Variants in TTLL5 observed in about 807,000 individuals in gnomAD.
TTLL5 encodes tubulin polyglutamylase TTLL5.
Under a neutral mutation model 168.4 loss-of-function variants are expected in TTLL5, and 132 were observed. That is an observed-to-expected ratio of 0.78 (90% CI 0.68 to 0.91). The LOEUF (loss-of-function observed/expected upper bound fraction) is 0.91, where lower values mean the gene tolerates loss of function less well. Among genes scored for constraint, TTLL5 ranks in the 40% least tolerant of loss-of-function variants. The pLI, the probability that TTLL5 is intolerant of heterozygous loss-of-function variation, is 0.00. For missense variants in TTLL5, 1,545 were observed against 1,581.5 expected (o/e 0.98, Z 0.39); for synonymous variants, 546 against 558.6 (o/e 0.98, Z 0.32).
intron 31 of TTLL5, among the ~76,000 whole-genome samples, chr14:75,916,859 A>T (rs1164651888): frequency 6.6e-6 from 1 of 152,226 alleles, no homozygotes; most frequent in East Asian, 1.9e-4. Flanking sequence ...AGCCTTCAAA[A>T]TAAAGGAAAT....
At chr14:75,773,955 G>GAGAGAGAA (rs1566598142) in intron 21 of TTLL5, among the ~76,000 whole-genome samples, 1 of 37,366 alleles carries the variant, frequency 2.7e-5, no homozygotes, top group Non-Finnish European at 6.1e-5. Context: ...GAGAGAGAGA[G>GAGAGAGAA]AAAGAGAGAG....
At chr14:75,801,324 A>T (rs1893309062) in intron 27 of TTLL5, among the ~76,000 whole-genome samples, 1 of 152,132 alleles carries the variant, frequency 6.6e-6, no homozygotes, top group African/African-American at 2.4e-5. Context: ...CAGCAGTGGC[A>T]GACCTCACCC....
intron 21 of TTLL5, among the ~76,000 whole-genome samples, chr14:75,772,342 C>T (rs1891387360): frequency 6.6e-6 from 1 of 152,204 alleles, no homozygotes; most frequent in Non-Finnish European, 1.5e-5. Context: ...ACTTGCTCCT[C>T]CATTGCTTTC....
Position 75,732,436 on chromosome 14 carries a change from A to G in TTLL5, c.1124+17A>G. The G allele has an allele frequency of 1.2e-6, 2 of 1,610,064 alleles. No homozygotes were observed. The highest frequency in any genetic ancestry group is 1.7e-6 in the Non-Finnish European group (2 of 1,178,092). ...TTTGGCCTGGTAAGTCAGTTCCATC[A>G]ACTAAAAAAGGACAAATCTTCAAGT... is the stretch of plus-strand genomic sequence containing the variant. On this transcript the variant is annotated intron_variant, in intron 13 of 31. Transcript: ENST00000298832.
At chr14:75,770,418 T>C (rs1403595506) in intron 20 of TTLL5, among the ~76,000 whole-genome samples, 1 of 152,158 alleles carries the variant, frequency 6.6e-6, no homozygotes, top group Non-Finnish European at 1.5e-5. Flanking sequence ...TGCAGCTTAC[T>C]TTAGCCAAAT....
intron 27 of TTLL5, among the ~76,000 whole-genome samples, chr14:75,801,143 G>A (rs1181627829): frequency 1.3e-5 from 2 of 152,142 alleles, no homozygotes; most frequent in African/African-American, 4.8e-5. Context: ...AGACCATCAG[G>A]TTGGGGCAGA....
chr14:75,802,729 A>G (rs1232153836), intron 27 of TTLL5, among the ~76,000 whole-genome samples: 2 of 152,244 alleles, frequency 1.3e-5, no homozygotes, highest in Non-Finnish European at 2.9e-5. Flanking sequence ...GGTGGCAGCT[A>G]CATAAACAGA....
chr14:75,947,485 G>GT (rs1453909699), intron 31 of TTLL5, among the ~76,000 whole-genome samples: 1 of 152,134 alleles, frequency 6.6e-6, no homozygotes, highest in East Asian at 1.9e-4. Flanking sequence ...TATATTTAAT[G>GT]TTTTTTTCAT....
At chr14:75,899,649 C>T (rs2032830972) in intron 30 of TTLL5, among the ~76,000 whole-genome samples, 1 of 151,976 alleles carries the variant, frequency 6.6e-6, no homozygotes, top group Non-Finnish European at 1.5e-5. Flanking sequence ...GTGGTGGTCT[C>T]CAAGGCCTTT....
At chr14:75,930,193 G>A (rs903076358) in intron 31 of TTLL5, among the ~76,000 whole-genome samples, 3 of 152,182 alleles carry the variant, frequency 2.0e-5, no homozygotes, top group Non-Finnish European at 4.4e-5. Context: ...CTAGGTGCAT[G>A]TAAAGAATAA....
intron 31 of TTLL5, among the ~76,000 whole-genome samples, chr14:75,914,246 G>C (rs528935209): frequency 6.6e-6 from 1 of 150,846 alleles, no homozygotes; most frequent in African/African-American, 2.5e-5. Flanking sequence ...TTACTTTTTG[G>C]GTGAATTGTC....
chr14:75,714,686 A>G (rs1277990203), intron 9 of TTLL5, among the ~76,000 whole-genome samples: 1 of 152,082 alleles, frequency 6.6e-6, no homozygotes, highest in African/African-American at 2.4e-5. Context: ...TGTCCTTTTG[A>G]CATGTCTTTA....
chr14:75,699,228 A>C lies in TTLL5; in HGVS notation c.543A>C (p.Pro181=). 2.5e-6 allele frequency: 4 copies of C among 1,614,062 alleles called. No individual in the cohort carries two copies. Among genetic ancestry groups the C allele is most frequent in the Non-Finnish European group, 3.4e-6 (4 of 1,179,956 alleles). Residue 181 remains proline, a synonymous_variant, in exon 7 of 32, where the codon CCA becomes CCC. Coordinates refer to ENST00000298832, the MANE Select transcript of TTLL5 (RefSeq NM_015072.5). ...SKDRGPWIVK[P]VASSRGRGVY... ...ACCGGGGACCTTGGATAGTAAAACCAGTGGCATCTTCAAGGGGGCGGGGCG... is the reference window on the plus strand; with the variant it reads ...ACCGGGGACCTTGGATAGTAAAACCCGTGGCATCTTCAAGGGGGCGGGGCG...
At chr14:75,727,395 A>G (rs1370415200) in intron 12 of TTLL5, among the ~76,000 whole-genome samples, 1 of 152,222 alleles carries the variant, frequency 6.6e-6, no homozygotes, top group Admixed American at 6.5e-5. Context: ...ATGTATAACA[A>G]CATAGATAAA....
chr14:75,815,170 G>A (rs1174728168), intron 27 of TTLL5, among the ~76,000 whole-genome samples: 3 of 152,158 alleles, frequency 2.0e-5, no homozygotes, highest in African/African-American at 7.2e-5. Context: ...TATGTGCTGA[G>A]TGTCTTCTAG....
Position 75,912,701 on chromosome 14 carries a change from T to G in TTLL5, c.3823+10477T>G, listed in dbSNP as rs13379297. On this transcript the variant is annotated intron_variant, in intron 31 of 31. Coordinates refer to ENST00000298832, the MANE Select transcript of TTLL5 (RefSeq NM_015072.5). ...GGAAAGTCAAGATATTTCCTAGTAT[T>G]GGTTCTAAAGGAAGTATTTTACATA... 9.4e-3 allele frequency among the ~76,000 whole-genome samples: 1,424 copies of G among 152,278 alleles called. 19 individuals are homozygous for G. The highest frequency in any genetic ancestry group is 0.033 in the African/African-American group (1,361 of 41,540).
chr14:75,846,254 A>G (rs551903157), intron 28 of TTLL5, among the ~76,000 whole-genome samples: 1 of 152,320 alleles, frequency 6.6e-6, no homozygotes, highest in African/African-American at 2.4e-5. Flanking sequence ...TCAGGCAAGT[A>G]AGAATGGTTG....
chr14:75,855,097 A>AT (rs1304753135), intron 28 of TTLL5, among the ~76,000 whole-genome samples: 29 of 147,206 alleles, frequency 2.0e-4, no homozygotes, highest in African/African-American at 6.8e-4. Flanking sequence ...AGATTCTTTG[A>AT]TTTTTCCCTA....
intron 18 of TTLL5, among the ~76,000 whole-genome samples, chr14:75,753,793 A>C (rs1890093804): frequency 1.3e-5 from 2 of 152,080 alleles, no homozygotes; most frequent in Admixed American, 1.3e-4. Context: ...ATATGTATAA[A>C]ACCTGTGGGT....
Sources: gnomAD v4.1 joint callset for allele counts (sites outside exome capture counted in the v4.1 genomes callset) on GRCh38, gnomAD v4.1.1 for gene constraint, MANE v1.5 for transcripts, NCBI Gene and HGNC (gene_info 2026-07-23, HGNC 2026-07-21) for gene names.